DENND5B: variants seen among roughly 807,000 people sequenced by gnomAD.
DENND5B encodes the protein DENN domain-containing protein 5B.
DENND5B carries 34 observed loss-of-function variants against 140.6 expected under a neutral mutation model. That is an observed-to-expected ratio of 0.24 (90% confidence interval 0.18 to 0.32). The LOEUF (loss-of-function observed/expected upper bound fraction) is 0.32, where lower values mean the gene tolerates loss of function less well. Among genes scored for constraint, DENND5B ranks in the 10% least tolerant of loss-of-function variants. The probability of loss-of-function intolerance (pLI) is 1.00; values close to 1 mark genes in which losing one functional copy is unlikely to be tolerated. For synonymous variants in DENND5B, 551 were observed against 562.1 expected (o/e 0.98, Z 0.28); for missense variants, 1,142 against 1,560.2 (o/e 0.73, Z 4.52).
chr12:31,550,805 C>T (rs1264286424), intron 1 of DENND5B, among the ~76,000 whole-genome samples: 1 of 152,206 alleles, frequency 6.6e-6, no homozygotes, highest in Non-Finnish European at 1.5e-5. Context: ...TTGCATTTCT[C>T]TGATGGCCAG....
In DENND5B at chr12:31,455,968, A is replaced by G. The variant is rs557166479; in HGVS notation, c.1093-3492T>C. 3.3e-5 allele frequency among the ~76,000 whole-genome samples: 5 copies of G among 152,210 alleles called. No homozygotes were observed. In the East Asian group the frequency reaches 9.7e-4, roughly 29 times the overall value. ...CAGGAGGCAGAGGTTGCAGTGTGCC[A>G]AGATCATGCCACTGCACTCCAGCCC... On this transcript the variant is annotated intron_variant, in intron 4 of 20. Coordinates refer to ENST00000389082, the MANE Select transcript of DENND5B (RefSeq NM_144973.4).
intron 1 of DENND5B, among the ~76,000 whole-genome samples, chr12:31,504,820 A>G (rs1183069349): frequency 5.3e-5 from 8 of 152,158 alleles, no homozygotes; most frequent in Non-Finnish European, 8.8e-5. Flanking sequence ...CTTGCCAATG[A>G]TATGTGGGCA....
rs752469621 is a variant in DENND5B at position 31,395,521 on chromosome 12, A to T, written c.3256+2654T>A. 1.2e-3 allele frequency among the ~76,000 whole-genome samples: 181 copies of T among 152,186 alleles called. 1 individual carries two copies. The highest frequency in any genetic ancestry group is 2.6e-4 in the Non-Finnish European group (18 of 68,032). On this transcript the variant is annotated intron_variant, in intron 17 of 20. Transcript: ENST00000389082. ...GGCAGGAGAATCGCTTGAACCTGGGAAGCGGAGGTTGCAGTGAGATGAGAC... is the reference window on the plus strand; with the variant it reads ...GGCAGGAGAATCGCTTGAACCTGGGTAGCGGAGGTTGCAGTGAGATGAGAC...
At chr12:31,431,132 T>G (rs1033085308) in intron 8 of DENND5B, among the ~76,000 whole-genome samples, 2 of 152,242 alleles carry the variant, frequency 1.3e-5, no homozygotes, top group Admixed American at 6.5e-5. Flanking sequence ...TGTGCTCTTC[T>G]TTATTTCTGC....
chr12:31,383,683 G>A lies in DENND5B; in HGVS notation c.*3920C>T, dbSNP rs910956731. ...TCAGTAGCCTGCTTTTTCCCACGTA[G>A]GACTCCACTTTATACTACTTCACAC... On this transcript the variant is annotated 3_prime_UTR_variant, in exon 21 of 21. Coordinates refer to ENST00000389082, the MANE Select transcript of DENND5B (RefSeq NM_144973.4). The A allele has an allele frequency of 6.6e-6, 1 of 152,020 alleles. No individual in the cohort carries two copies. The highest frequency in any genetic ancestry group is 1.5e-5 in the Non-Finnish European group (1 of 68,026). 9.4% of individuals were successfully genotyped at this position (152,020 alleles called of 1,614,324 possible).
intron 1 of DENND5B, among the ~76,000 whole-genome samples, chr12:31,544,026 T>C (rs1256522546): frequency 6.6e-6 from 1 of 152,110 alleles, no homozygotes; most frequent in Non-Finnish European, 1.5e-5. Context: ...TAGTCAGGCA[T>C]GGTGGCACAA....
At chr12:31,406,881 C>A (rs947785797) in intron 14 of DENND5B, among the ~76,000 whole-genome samples, 3 of 152,054 alleles carry the variant, frequency 2.0e-5, no homozygotes, top group African/African-American at 4.8e-5. Flanking sequence ...CTCACTGCAA[C>A]CTCTGCCTCC....
At chr12:31,410,686 T>C (rs904149793) in intron 13 of DENND5B, among the ~76,000 whole-genome samples, 6 of 151,918 alleles carry the variant, frequency 3.9e-5, no homozygotes, top group Non-Finnish European at 8.8e-5. Context: ...ATTACAGGAG[T>C]GAGCCACCAC....
At chr12:31,467,214 A>G (rs1042822120) in intron 3 of DENND5B, among the ~76,000 whole-genome samples, 1 of 152,196 alleles carries the variant, frequency 6.6e-6, no homozygotes, top group Admixed American at 6.5e-5. Flanking sequence ...CAAGGACAAA[A>G]TAAGATCTAA....
chr12:31,404,654 A>C (rs968016663), intron 14 of DENND5B, among the ~76,000 whole-genome samples: 9 of 151,416 alleles, frequency 5.9e-5, no homozygotes, highest in African/African-American at 2.2e-4. Context: ...GGGTTTTGAC[A>C]TATTGGCCAG....
At chr12:31,432,220 G>A (rs561721054) in intron 8 of DENND5B, 1 of 565,624 alleles carries the variant, frequency 1.8e-6, no homozygotes, top group Admixed American at 6.5e-5. Flanking sequence ...AAAGAGACAA[G>A]CAGAACAAGC....
intron 6 of DENND5B, among the ~76,000 whole-genome samples, chr12:31,445,984 A>G (rs1347411425): frequency 6.6e-6 from 1 of 151,002 alleles, no homozygotes; most frequent in African/African-American, 2.4e-5. Flanking sequence ...ACTCCAGCCT[A>G]GGCAACAAGT....
chr12:31,394,096 T>C (rs1312814369), intron 17 of DENND5B, among the ~76,000 whole-genome samples: 1 of 152,228 alleles, frequency 6.6e-6, no homozygotes, highest in Non-Finnish European at 1.5e-5. Context: ...TGGCCTCTTG[T>C]TCCTAGTGGT....
intron 1 of DENND5B, among the ~76,000 whole-genome samples, chr12:31,535,777 A>G (rs1301807951): frequency 6.6e-6 from 1 of 152,244 alleles, no homozygotes; most frequent in Non-Finnish European, 1.5e-5. Flanking sequence ...CATCCAGGAA[A>G]ACATGACCTC....
chr12:31,389,467 G>C lies in DENND5B; in HGVS notation c.3498C>G (p.Asp1166Glu), dbSNP rs1290224014. 2.5e-6 allele frequency: 4 copies of C among 1,597,086 alleles called. No homozygotes were observed. Among genetic ancestry groups the C allele is most frequent in the Non-Finnish European group, 3.4e-6 (4 of 1,171,140 alleles). ...EKVVAYFETT[D>E]QILDNEDDVL... ...CATCATCTTCATTATCTAGAATCTGGTCAGTTGTTTCAAAATAAGCAACCA... is the reference window on the plus strand; with the variant it reads ...CATCATCTTCATTATCTAGAATCTGCTCAGTTGTTTCAAAATAAGCAACCA... Residue 1166 changes from aspartate to glutamate, a missense_variant, in exon 20 of 21, where the codon GAC (aspartate) becomes GAG (glutamate). By Grantham distance (45) the Asp-to-Glu change is conservative. This residue lies in a region of DENND5B where 125 missense variants were observed against 179.0 expected (regional missense o/e 0.70). Transcript: ENST00000389082.
chr12:31,426,653 C>T (rs116188426), intron 8 of DENND5B: 4 of 384,098 alleles, frequency 1.0e-5, no homozygotes, highest in Non-Finnish European at 1.4e-5. Flanking sequence ...AACCCCATCA[C>T]GTTAAAACTC....
intron 14 of DENND5B, among the ~76,000 whole-genome samples, chr12:31,405,871 A>C (rs1026464982): frequency 6.7e-6 from 1 of 150,076 alleles, no homozygotes; most frequent in African/African-American, 2.5e-5. Context: ...TTTGAGAAGA[A>C]GTCTTGTTCT....
At chr12:31,527,532 C>A (rs1283869394) in intron 1 of DENND5B, among the ~76,000 whole-genome samples, 1 of 152,140 alleles carries the variant, frequency 6.6e-6, no homozygotes, top group Non-Finnish European at 1.5e-5. Flanking sequence ...ATAATCCCAG[C>A]ACTTTGGGAG....
intron 3 of DENND5B, among the ~76,000 whole-genome samples, chr12:31,479,065 G>A (rs865921493): frequency 6.6e-6 from 1 of 152,114 alleles, no homozygotes; most frequent in African/African-American, 2.4e-5. Flanking sequence ...TCTGTCTCAT[G>A]CCTGCTCACC....
Sources: allele counts gnomAD v4.1 joint callset (sites outside exome capture counted in the v4.1 genomes callset), GRCh38; gene constraint gnomAD v4.1.1; regional missense constraint gnomAD v4.1.1; transcripts MANE v1.5; gene names NCBI Gene and HGNC (gene_info 2026-07-23, HGNC 2026-07-21).